AR: variants seen among roughly 807,000 people sequenced by gnomAD.
AR encodes androgen receptor.
In AR, 8 loss-of-function variants were observed where a neutral mutation model predicts 53.9. The observed-to-expected ratio is 0.15, with a 90% CI of 0.09 to 0.27. AR has a LOEUF of 0.27. AR is among the 10% of genes least tolerant of loss of function. The pLI is 1.00. For synonymous variants in AR, 359 were observed against 316.4 expected, an observed-to-expected ratio of 1.13 and a Z score of -1.43; for missense variants, 639 against 742.5, an observed-to-expected ratio of 0.86 and a Z score of 1.62.
intron 1 of AR, among the ~76,000 whole-genome samples, chrX:67,640,300 G>T (rs2147430559): frequency 9.0e-6 from 1 of 111,045 alleles, no homozygotes; most frequent in South Asian, 3.8e-4. Flanking sequence ...TTGTGTCTCT[G>T]CCAGGTTTTG....
At chrX:67,687,799 G>T (rs904660321) in intron 3 of AR, among the ~76,000 whole-genome samples, 1 of 112,212 alleles carries the variant, frequency 8.9e-6, no homozygotes, top group African/African-American at 3.2e-5. Context: ...TGAATTGCAA[G>T]TCCACTTTGA....
chrX:67,619,221 C>A (rs1924255814), intron 1 of AR, among the ~76,000 whole-genome samples: 1 of 111,204 alleles, frequency 9.0e-6, no homozygotes, highest in African/African-American at 3.3e-5. Flanking sequence ...GATAGGATTC[C>A]TCTGGGGTCC....
At chrX:67,550,170 T>G (rs775271960) in intron 1 of AR, among the ~76,000 whole-genome samples, 4 of 111,796 alleles carry the variant, frequency 3.6e-5, no homozygotes, top group Non-Finnish European at 7.5e-5. Context: ...TGTTCACAGC[T>G]CAAGTCAGCC....
At position 67,724,733 on chromosome X, in the gene AR, C is replaced by T. The variant is rs1247531400; in HGVS notation, c.*892C>T. 1 of 174,052 alleles carries T rather than the reference C, an allele frequency of 5.7e-6. No homozygotes were observed. Among genetic ancestry groups the T allele is most frequent in the African/African-American group, 3.0e-5 (1 of 33,780 alleles). 14.3% of individuals were successfully genotyped at this position (174,052 alleles called of 1,213,427 possible). A position where few individuals can be genotyped will look rare whatever the true frequency, so the allele number is the denominator to read the frequency against. ...ATGCCTCACCCCCAAACCCTTTTCTCTCTCACTCTCTGCCTCCAACTTCAG... is the reference window on the plus strand; with the variant it reads ...ATGCCTCACCCCCAAACCCTTTTCTTTCTCACTCTCTGCCTCCAACTTCAG... On this transcript the variant is annotated 3_prime_UTR_variant, in exon 8 of 8. Transcript: ENST00000374690.
chrX:67,597,527 T>A (rs1455212400), intron 1 of AR, among the ~76,000 whole-genome samples: 2 of 111,784 alleles, frequency 1.8e-5, no homozygotes, highest in Non-Finnish European at 3.8e-5. Flanking sequence ...CCTCTTGAAG[T>A]TTTTCACCAC....
intron 1 of AR, among the ~76,000 whole-genome samples, chrX:67,606,944 G>A (rs1415791309): frequency 7.1e-5 from 8 of 112,340 alleles, no homozygotes; most frequent in African/African-American, 2.6e-4. Context: ...AAAAGTTTAA[G>A]CCTTCTATTG....
chrX:67,544,524 G>A lies in AR; in HGVS notation c.-623G>A, dbSNP rs759303419. On this transcript the variant is annotated 5_prime_UTR_variant, in exon 1 of 8. Transcript: ENST00000374690. ...GAGGTAACTCCCTTTGGCTGCGAGC[G>A]GGCGAGCTAGCTGCACATTGCAAAG... is the stretch of plus-strand genomic sequence containing the variant. 1.9e-3 allele frequency: 298 copies of A among 155,982 alleles called. 4 individuals carry two copies. Among genetic ancestry groups the A allele is most frequent in the African/African-American group, 9.7e-3 (288 of 29,590 alleles). The allele number at this position is 155,982 out of a possible 1,213,427, so 12.9% of individuals were successfully genotyped here. A position where few individuals can be genotyped will look rare whatever the true frequency, so the allele number is the denominator to read the frequency against.
At position 67,724,276 on chromosome X, in the gene AR, A is replaced by T. The variant is rs1490748069; in HGVS notation, c.*435A>T. The stretch of plus-strand genomic sequence containing the variant: ...GGGAAATCAAAACAAAAACAAGCAA[A>T]CAAAAAAAAAAAGCAAAAACAAAAC... On this transcript the variant is annotated 3_prime_UTR_variant, in exon 8 of 8. Transcript: ENST00000374690. 8.6e-6 allele frequency: 1 copy of T among 115,648 alleles called. No homozygotes were observed. The highest frequency in any genetic ancestry group is 1.8e-5 in the Non-Finnish European group (1 of 56,343). The allele number at this position is 115,648 out of a possible 1,213,427, so 9.5% of individuals were successfully genotyped here. A position where few individuals can be genotyped will look rare whatever the true frequency, so the allele number is the denominator to read the frequency against.
Position 67,711,532 on chromosome X carries a change from C to A in AR, c.2016C>A (p.Pro672=), listed in dbSNP as rs764451285. The A allele has an allele frequency of 1.1e-4, 135 of 1,209,921 alleles. No individual in the cohort carries two copies. The highest frequency in any genetic ancestry group is 1.4e-4 in the Non-Finnish European group (126 of 895,306). Residue 672 remains proline (P), a synonymous_variant, in exon 4 of 8, where the codon CCC becomes CCA. Coordinates refer to ENST00000374690, the MANE Select transcript of AR (RefSeq NM_000044.6). Reference sequence around the variant, plus strand: ...ACATTGAAGGCTATGAATGTCAGCCCATCTTTCTGAATGTCCTGGAAGCCA... The same window carrying A: ...ACATTGAAGGCTATGAATGTCAGCCAATCTTTCTGAATGTCCTGGAAGCCA... ...VSHIEGYECQ[P]IFLNVLEAIE...
chrX:67,644,507 T>C (rs768373438), intron 2 of AR, among the ~76,000 whole-genome samples: 14 of 111,629 alleles, frequency 1.3e-4, no homozygotes, highest in Non-Finnish European at 2.4e-4. Context: ...TCTTAAAACA[T>C]AGGTATGTAG....
rs752972620 is a variant in AR, at chrX:67,721,969, T to C, written c.2449+6T>C. 1 of 1,210,642 alleles carries C rather than the reference T, an allele frequency of 8.3e-7. No homozygotes were observed. Among genetic ancestry groups the C allele is most frequent in the East Asian group, 3.0e-5 (1 of 33,744 alleles). On this transcript the variant is annotated splice_donor_region_variant and intron_variant, in intron 6 of 7. Coordinates refer to ENST00000374690, the MANE Select transcript of AR (RefSeq NM_000044.6). ...ACTGCTACTCTTCAGCATTAGTAAGTGCCTAGAAGTGCAGGGAATGCCCCC... is the reference window on the plus strand; with the variant it reads ...ACTGCTACTCTTCAGCATTAGTAAGCGCCTAGAAGTGCAGGGAATGCCCCC...
intron 2 of AR, among the ~76,000 whole-genome samples, chrX:67,644,746 G>A (rs1925967638): frequency 9.0e-6 from 1 of 111,488 alleles, no homozygotes; most frequent in African/African-American, 3.3e-5. Context: ...GGGCCTACAA[G>A]AAGGCAGCTA....
intron 2 of AR, among the ~76,000 whole-genome samples, chrX:67,649,806 T>C (rs745406399): frequency 1.8e-5 from 2 of 112,088 alleles, no homozygotes; most frequent in Admixed American, 9.5e-5. Context: ...ATTGCGAAAA[T>C]TTTCTCTCAT....
chrX:67,593,752 A>C (rs1423111055), intron 1 of AR, among the ~76,000 whole-genome samples: 2 of 112,514 alleles, frequency 1.8e-5, no homozygotes, highest in African/African-American at 6.5e-5. Flanking sequence ...CATTTCATAA[A>C]ACAATGACAA....
chrX:67,610,271 A>G (rs1453484387), intron 1 of AR, among the ~76,000 whole-genome samples: 2 of 111,724 alleles, frequency 1.8e-5, no homozygotes, highest in Non-Finnish European at 3.8e-5. Flanking sequence ...ACACTAATTA[A>G]TTAATGTCAT....
intron 1 of AR, among the ~76,000 whole-genome samples, chrX:67,591,545 T>A (rs1296894598): frequency 1.8e-5 from 2 of 111,285 alleles, no homozygotes; most frequent in Non-Finnish European, 3.8e-5. Context: ...GTGGGTAGAG[T>A]ACGCCCCTTG....
chrX:67,640,573 A>C (rs769304000), intron 1 of AR, among the ~76,000 whole-genome samples: 1 of 110,603 alleles, frequency 9.0e-6, no homozygotes, highest in Admixed American at 9.6e-5. Flanking sequence ...GAATTTATCT[A>C]TTTCTTCTAG....
intron 3 of AR, among the ~76,000 whole-genome samples, chrX:67,697,101 A>G (rs923476050): frequency 4.5e-5 from 5 of 111,967 alleles, no homozygotes; most frequent in Non-Finnish European, 5.6e-5. Flanking sequence ...CCTACAGAAT[A>G]AAATACTGCT....
intron 6 of AR, chrX:67,722,248 T>A: frequency 3.2e-6 from 1 of 312,578 alleles, no homozygotes; most frequent in Non-Finnish European, 5.8e-6. Context: ...TTACAGCAGG[T>A]CTCTGAATTT....
Sources: allele counts gnomAD v4.1 joint callset (sites outside exome capture counted in the v4.1 genomes callset), GRCh38; gene constraint gnomAD v4.1.1; transcripts MANE v1.5; gene names NCBI Gene and HGNC (gene_info 2026-07-23, HGNC 2026-07-21).